KIF26B: variants seen among roughly 807,000 people sequenced by gnomAD.
KIF26B encodes kinesin-like protein KIF26B.
A neutral mutation model predicts 151.2 loss-of-function variants in KIF26B; 63 were observed. That is an observed-to-expected ratio of 0.42 (90% CI 0.34 to 0.51). The LOEUF (loss-of-function observed/expected upper bound fraction) is 0.51. Among genes scored for constraint, KIF26B ranks in the 20% least tolerant of loss-of-function variants. KIF26B has a pLI of 0.07. For synonymous variants in KIF26B, 1,357 were observed against 1,262.1 expected (o/e 1.08, Z -1.59); for missense variants, 2,813 against 2,913.6 (o/e 0.97, Z 0.79).
intron 4 of KIF26B, chr1:245,511,023 G>A: frequency 1.4e-6 from 1 of 707,508 alleles, no homozygotes; most frequent in East Asian, 2.7e-5. Context: ...CCCCAGATCT[G>A]CAAGAGACAT....
intron 4 of KIF26B, among the ~76,000 whole-genome samples, chr1:245,498,625 T>G (rs1660558492): frequency 6.6e-6 from 1 of 152,172 alleles, no homozygotes; most frequent in Non-Finnish European, 1.5e-5. Flanking sequence ...TTCAAATCTG[T>G]GTGGATTGTC....
In KIF26B at chr1:245,222,305, T is replaced by C. The variant is rs538069134; in HGVS notation, c.465+65622T>C. On this transcript the variant is annotated intron_variant, in intron 2 of 14. Transcript: ENST00000407071. ...TACAAAAATTAGCCAGGTGTGGTGGTGGGTGTCTGTAATCTCAGCTACTTG... is the reference window on the plus strand; with the variant it reads ...TACAAAAATTAGCCAGGTGTGGTGGCGGGTGTCTGTAATCTCAGCTACTTG... Among the ~76,000 whole-genome samples the C allele has an allele frequency of 3.3e-5, 5 of 152,108 alleles. No individual in the cohort carries two copies. The East Asian group carries it at 9.7e-4, about 29-fold the overall frequency.
chr1:245,289,655 T>C (rs1350688553), intron 2 of KIF26B, among the ~76,000 whole-genome samples: 1 of 150,604 alleles, frequency 6.6e-6, no homozygotes, highest in African/African-American at 2.5e-5. Context: ...CTTTCCTTTT[T>C]TGGGGGTGGA....
At chr1:245,676,682 A>G (rs1333640603) in intron 10 of KIF26B, among the ~76,000 whole-genome samples, 2 of 152,220 alleles carry the variant, frequency 1.3e-5, no homozygotes, top group African/African-American at 4.8e-5. Flanking sequence ...CTCTGTGTAC[A>G]GTGGCAACTA....
intron 2 of KIF26B, among the ~76,000 whole-genome samples, chr1:245,258,343 A>G (rs1385433972): frequency 2.0e-5 from 3 of 152,100 alleles, no homozygotes; most frequent in African/African-American, 7.2e-5. Flanking sequence ...GGGCCCCGTG[A>G]GATGTGAACT....
intron 9 of KIF26B, 53 bp from the exon 10 acceptor site, chr1:245,646,068 T>G: frequency 8.2e-6 from 13 of 1,576,036 alleles, no homozygotes; most frequent in East Asian, 2.3e-5. Flanking sequence ...GAAGAACAGA[T>G]GAGTGTTTGT....
chr1:245,421,288 G>A (rs1041051252), intron 4 of KIF26B, among the ~76,000 whole-genome samples: 1 of 152,204 alleles, frequency 6.6e-6, no homozygotes, highest in African/African-American at 2.4e-5. Context: ...TGGCATGGCA[G>A]GTTCAGTTTG....
intron 4 of KIF26B, among the ~76,000 whole-genome samples, chr1:245,505,262 A>G (rs1371850525): frequency 6.6e-6 from 1 of 151,124 alleles, no homozygotes; most frequent in Non-Finnish European, 1.5e-5. Context: ...TAATAAGTCT[A>G]TAATAGGTAT....
intron 4 of KIF26B, among the ~76,000 whole-genome samples, chr1:245,501,340 A>T (rs567542567): frequency 2.0e-5 from 3 of 152,342 alleles, no homozygotes; most frequent in Admixed American, 2.0e-4. Flanking sequence ...TGAGGGTTAA[A>T]TAAGTTGATA....
At chr1:245,644,651 T>G (rs2043927529) in intron 9 of KIF26B, among the ~76,000 whole-genome samples, 1 of 152,216 alleles carries the variant, frequency 6.6e-6, no homozygotes, top group Non-Finnish European at 1.5e-5. Context: ...GGGAAAGACT[T>G]CTGGGTATTC....
Position 245,572,391 on chromosome 1 carries a change from A to G in KIF26B, c.1351-30186A>G, listed in dbSNP as rs2043074119. Among the ~76,000 whole-genome samples the G allele has an allele frequency of 6.6e-6, 1 of 152,068 alleles. No homozygotes were observed. The highest frequency in any genetic ancestry group is 1.5e-5 in the Non-Finnish European group (1 of 67,998). On this transcript the variant is annotated intron_variant, in intron 5 of 14. Coordinates refer to ENST00000407071, the MANE Select transcript of KIF26B (RefSeq NM_018012.4). This position sits in a 1 kb window ranked among gnomAD's most constrained non-coding sequence, Gnocchi z 4.2. The stretch of plus-strand genomic sequence containing the variant: ...AACTCTTATTGGGAGCAGAAGTGCC[A>G]CTGGAGTAGGGTGGCTGGTTTGAGG...
chr1:245,201,787 C>T (rs1027062341), intron 2 of KIF26B, among the ~76,000 whole-genome samples: 1 of 152,204 alleles, frequency 6.6e-6, no homozygotes, highest in Non-Finnish European at 1.5e-5. Flanking sequence ...ATCCATTTCT[C>T]ATTTTGCCAT....
chr1:245,284,884 A>G (rs4658742), intron 2 of KIF26B, among the ~76,000 whole-genome samples: 71,991 of 151,846 alleles, frequency 0.47, 17,335 homozygotes, highest in East Asian at 0.65. Context: ...TAATAAAAAT[A>G]CAAAATTAGC....
chr1:245,347,632 A>T (rs1160140995), intron 2 of KIF26B, among the ~76,000 whole-genome samples: 2 of 152,240 alleles, frequency 1.3e-5, no homozygotes, highest in Middle Eastern at 6.8e-3. Context: ...TTCTTTGATT[A>T]TCTTTGCAGC....
At chr1:245,436,890 CTTTTTTT>C (rs539810099) in intron 4 of KIF26B, among the ~76,000 whole-genome samples, 104 of 122,324 alleles carry the variant, frequency 8.5e-4, no homozygotes, top group Admixed American at 2.5e-3. Context: ...TTCTCCCTCT[CTTTTTTT>C]TTTTTTTTTT....
intron 5 of KIF26B, among the ~76,000 whole-genome samples, chr1:245,542,001 G>A (rs1368675408): frequency 1.3e-5 from 2 of 151,952 alleles, no homozygotes; most frequent in African/African-American, 2.4e-5. Context: ...TCACCACCTC[G>A]TTGGGAAGGT....
chr1:245,498,864 G>T (rs376957905), intron 4 of KIF26B, among the ~76,000 whole-genome samples: 66 of 152,286 alleles, frequency 4.3e-4, no homozygotes, highest in African/African-American at 1.5e-3. Context: ...TGTGTTTCTT[G>T]GACGGGTTCA....
chr1:245,552,846 T>C (rs12039279), intron 5 of KIF26B, among the ~76,000 whole-genome samples: 49,847 of 152,006 alleles, frequency 0.33, 8,650 homozygotes, highest in Non-Finnish European at 0.38. Context: ...GTGATCCACC[T>C]GCCTTGGCCT....
chr1:245,269,966 G>T (rs923435222), intron 2 of KIF26B, among the ~76,000 whole-genome samples: 1 of 152,154 alleles, frequency 6.6e-6, no homozygotes, highest in Non-Finnish European at 1.5e-5. Context: ...ATACCCAGAG[G>T]TGGGGTTGCT....
Sources: allele counts gnomAD v4.1 joint callset (sites outside exome capture counted in the v4.1 genomes callset), GRCh38; gene constraint gnomAD v4.1.1; non-coding constraint Gnocchi (gnomAD v3.1); transcripts MANE v1.5; gene names NCBI Gene and HGNC (gene_info 2026-07-23, HGNC 2026-07-21).